COL4A4: variants seen among roughly 807,000 people sequenced by gnomAD.
COL4A4 encodes the protein collagen alpha-4(IV) chain.
COL4A4 carries 105 observed loss-of-function variants against 192.9 expected under a neutral mutation model. The observed-to-expected ratio is 0.54, with a 90% confidence interval of 0.46 to 0.64. The LOEUF is 0.64. COL4A4 is among the 30% of genes least tolerant of loss of function. The probability of loss-of-function intolerance (pLI) is 0.00; values close to 1 mark genes in which losing one functional copy is unlikely to be tolerated. For synonymous variants in COL4A4, 762 were observed against 769.9 expected (o/e 0.99, Z 0.17); for missense variants, 1,967 against 2,169.3 (o/e 0.91, Z 1.85).
intron 12 of COL4A4, among the ~76,000 whole-genome samples, chr2:227,104,799 C>A (rs1052932853): frequency 1.7e-4 from 26 of 151,346 alleles, no homozygotes; most frequent in African/African-American, 6.3e-4. Flanking sequence ...CGCCACCATG[C>A]CCGGCTAATT....
chr2:227,132,022 C>T (rs975867399), intron 4 of COL4A4, among the ~76,000 whole-genome samples: 1 of 152,192 alleles, frequency 6.6e-6, no homozygotes, highest in Admixed American at 6.5e-5. Context: ...ATTAAGCCAC[C>T]ATGTATATGG....
chr2:227,000,754 T>G (rs1287874857), downstream of COL4A4, among the ~76,000 whole-genome samples: 4 of 151,934 alleles, frequency 2.6e-5, no homozygotes, highest in Non-Finnish European at 1.5e-5. Flanking sequence ...AAATCTCATC[T>G]TGAATTCCCA....
At chr2:227,043,811 G>A (rs4675139) in intron 35 of COL4A4, among the ~76,000 whole-genome samples, 77,655 of 151,974 alleles carry the variant, frequency 0.51, 19,975 homozygotes, top group South Asian at 0.63. Context: ...AAATAAGAAC[G>A]TTTTTCTACA....
At chr2:226,980,384 G>T in the COL4A4 span, among the ~76,000 whole-genome samples, 4 of 152,166 alleles carry the variant, frequency 2.6e-5, no homozygotes, top group Admixed American at 6.5e-5. Flanking sequence ...TGGTAAGCAA[G>T]GTTCTAAGCA....
At chr2:227,155,684 A>C (rs2064281633) in intron 1 of COL4A4, among the ~76,000 whole-genome samples, 1 of 152,060 alleles carries the variant, frequency 6.6e-6, no homozygotes, top group South Asian at 2.1e-4. Flanking sequence ...CCCAAATACA[A>C]TGTGAGGCTA....
intron 4 of COL4A4, among the ~76,000 whole-genome samples, chr2:227,130,675 C>T (rs149530148): frequency 6.6e-6 from 1 of 152,244 alleles, no homozygotes; most frequent in African/African-American, 2.4e-5. Flanking sequence ...CCTCCGTGTC[C>T]CTCCCTAACC....
chr2:227,001,100 CTT>C (rs1193019703), downstream of COL4A4, among the ~76,000 whole-genome samples: 366 of 144,322 alleles, frequency 2.5e-3, 2 homozygotes, highest in African/African-American at 8.9e-3. Flanking sequence ...TTTCTTTTTT[CTT>C]TTTTTTTTTT....
At chr2:226,997,923 A>C (rs1202494479), downstream of COL4A4, 1 of 152,258 alleles carries the variant, frequency 6.6e-6, no homozygotes. Flanking sequence ...TTTCCTCTAC[A>C]ATAAGGAATC....
Position 227,031,996 on chromosome 2 carries a change from C to T in COL4A4, c.3766G>A (p.Asp1256Asn), listed in dbSNP as rs1272126046. The change falls in exon 40 of 48, where the codon GAC (aspartate) becomes AAC (asparagine). Residue 1256 changes from aspartate to asparagine, a missense_variant. By Grantham distance (23) the Asp-to-Asn change is conservative. Coordinates refer to ENST00000396625, the MANE Select transcript of COL4A4 (RefSeq NM_000092.5). Reference sequence around the variant, plus strand: ...CCCTGATCTCCAGGTGGACCCGGGTCAGGAATGTCCTTAGGAGCTCTTCCT... The same window carrying T: ...CCCTGATCTCCAGGTGGACCCGGGTTAGGAATGTCCTTAGGAGCTCTTCCT... ...ATGRAPKDIP[D>N]PGPPGDQGPP... 1 of 1,614,034 alleles carries T rather than the reference C, an allele frequency of 6.2e-7. No individual in the cohort carries two copies. Among genetic ancestry groups the T allele is most frequent in the Non-Finnish European group, 8.5e-7 (1 of 1,179,918 alleles).
intron 28 of COL4A4, among the ~76,000 whole-genome samples, chr2:227,058,509 C>T (rs1976071085): frequency 6.6e-6 from 1 of 152,114 alleles, no homozygotes. Context: ...TACAAACTTC[C>T]ATGCAAGCTC....
At chr2:227,061,656 A>G (rs1279036320) in intron 26 of COL4A4, among the ~76,000 whole-genome samples, 7 of 152,238 alleles carry the variant, frequency 4.6e-5, no homozygotes, top group Non-Finnish European at 8.8e-5. Context: ...AGAGAGAGTA[A>G]CAGTCAGTCA....
At chr2:227,156,082 AATAC>A (rs2064316822) in intron 1 of COL4A4, among the ~76,000 whole-genome samples, 1 of 151,640 alleles carries the variant, frequency 6.6e-6, no homozygotes, top group African/African-American at 2.4e-5. Context: ...AAGAGCTCAC[AATAC>A]ATTGGGAAAA....
intron 3 of COL4A4, among the ~76,000 whole-genome samples, chr2:227,140,775 T>C (rs1450811651): frequency 6.6e-6 from 1 of 152,112 alleles, no homozygotes; most frequent in Admixed American, 6.6e-5. Context: ...GACTCCAAGA[T>C]GGTTTCTCTA....
chr2:227,146,506 A>C (rs1164393030), intron 2 of COL4A4, among the ~76,000 whole-genome samples: 1 of 152,126 alleles, frequency 6.6e-6, no homozygotes, highest in Non-Finnish European at 1.5e-5. Flanking sequence ...CTCGTTGAAC[A>C]ATCTCATATT....
At chr2:227,103,352 T>C (rs376259626) in intron 13 of COL4A4, among the ~76,000 whole-genome samples, 155 bp from the exon 14 acceptor site, 5 of 152,162 alleles carry the variant, frequency 3.3e-5, no homozygotes, top group East Asian at 1.9e-4. Flanking sequence ...AGCACACTTA[T>C]AAACCAGATA....
At chr2:227,028,532 T>G (rs547269973) in intron 41 of COL4A4, among the ~76,000 whole-genome samples, 1 of 152,238 alleles carries the variant, frequency 6.6e-6, no homozygotes, top group East Asian at 1.9e-4. Flanking sequence ...CAACTGAAGT[T>G]TAGTTGCTTT....
rs1191492074 is a variant in COL4A4, at chr2:227,106,522, C to T, written c.735+2059G>A. 2.0e-5 allele frequency among the ~76,000 whole-genome samples: 3 copies of T among 152,058 alleles called. No homozygotes were observed. The East Asian group carries it at 5.8e-4, about 29-fold the overall frequency. ...TCTTAAAATGAGGTGGGCAAACATG[C>T]TCTAGAACATCTGAGAATTCTGCAT... On this transcript the variant is annotated intron_variant, in intron 12 of 47. Coordinates refer to ENST00000396625, the MANE Select transcript of COL4A4 (RefSeq NM_000092.5).
At position 227,080,486 on chromosome 2, in the gene COL4A4, C is replaced by T. The variant is rs566586172; in HGVS notation, c.1760G>A (p.Gly587Asp). The T allele has an allele frequency of 6.2e-7, 1 of 1,614,148 alleles. No homozygotes were observed. Among genetic ancestry groups the T allele is most frequent in the Non-Finnish European group, 8.5e-7 (1 of 1,180,038 alleles). Residue 587 changes from glycine (G) to aspartate (D), a missense_variant, in exon 24 of 48, where the codon GGT becomes GAT. Coordinates refer to ENST00000396625, the MANE Select transcript of COL4A4 (RefSeq NM_000092.5). The stretch of plus-strand genomic sequence containing the variant: ...TTTTTCTCCAGCATGTCCATCCCGA[C>T]CATGTGATCCTGGCTGCCCTGGAAA... ...PGFPGQPGSH[G>D]RDGHAGEKGD...
chr2:227,085,919 C>T (rs961127142), intron 22 of COL4A4, among the ~76,000 whole-genome samples: 13 of 152,344 alleles, frequency 8.5e-5, no homozygotes, highest in African/African-American at 2.9e-4. Context: ...CTTTAATTCA[C>T]TGGTATGTAC....
Sources: gnomAD v4.1 joint callset for allele counts (sites outside exome capture counted in the v4.1 genomes callset) on GRCh38, gnomAD v4.1.1 for gene constraint, MANE v1.5 for transcripts, NCBI Gene and HGNC (gene_info 2026-07-23, HGNC 2026-07-21) for gene names.